PCCA: variants seen among roughly 807,000 people sequenced by gnomAD.
PCCA encodes the protein propionyl-CoA carboxylase subunit alpha.
A neutral mutation model predicts 101.3 loss-of-function variants in PCCA; 74 were observed. That is an observed-to-expected ratio of 0.73 (90% CI 0.61 to 0.89). The LOEUF (loss-of-function observed/expected upper bound fraction) is 0.89, where lower values mean the gene tolerates loss of function less well. Ranked by LOEUF, PCCA falls within the 40% of genes least tolerant of loss-of-function variation. The pLI, the probability that PCCA is intolerant of heterozygous loss-of-function variation, is 0.00. For synonymous variants in PCCA, 294 were observed against 313.6 expected (o/e 0.94, Z 0.66); for missense variants, 891 against 907.0 (o/e 0.98, Z 0.23).
At chr13:100,127,763 G>A (rs2050105480) in intron 4 of PCCA, among the ~76,000 whole-genome samples, 2 of 152,092 alleles carry the variant, frequency 1.3e-5, no homozygotes, top group South Asian at 4.2e-4. Context: ...GTGGTGGTGG[G>A]TGCGTGTAGT....
chr13:100,099,704 T>A (rs1436626840), intron 1 of PCCA, among the ~76,000 whole-genome samples: 1 of 152,028 alleles, frequency 6.6e-6, no homozygotes, highest in Non-Finnish European at 1.5e-5. Context: ...AAGGCATGCA[T>A]CCAGTTTGTC....
At chr13:100,135,618 GA>G (rs1366682046) in intron 4 of PCCA, among the ~76,000 whole-genome samples, 2 of 151,960 alleles carry the variant, frequency 1.3e-5, no homozygotes, top group Admixed American at 1.3e-4. Context: ...GAGACAGTTC[GA>G]TTTTTTTTTC....
intron 7 of PCCA, among the ~76,000 whole-genome samples, chr13:100,232,437 GT>G (rs1157120102): frequency 2.0e-5 from 3 of 151,280 alleles, no homozygotes; most frequent in African/African-American, 7.3e-5. Context: ...CAGGAGTGCA[GT>G]GGCGCCATCA....
chr13:100,345,489 G>GT (rs1476669128), intron 18 of PCCA, among the ~76,000 whole-genome samples: 1 of 152,202 alleles, frequency 6.6e-6, no homozygotes, highest in Non-Finnish European at 1.5e-5. Context: ...GGAAGCTGCG[G>GT]AAGAAAAGCT....
chr13:100,500,100 A>G (rs1202023592), intron 21 of PCCA, among the ~76,000 whole-genome samples: 1 of 152,226 alleles, frequency 6.6e-6, no homozygotes, highest in Non-Finnish European at 1.5e-5. Flanking sequence ...CCAGGAAAAA[A>G]GCTAAACAAT....
chr13:100,484,126 T>A (rs1389308354), intron 21 of PCCA, among the ~76,000 whole-genome samples: 1 of 152,204 alleles, frequency 6.6e-6, no homozygotes, highest in Non-Finnish European at 1.5e-5. Flanking sequence ...AGAACCTCAC[T>A]ACAAGAAAAC....
At chr13:100,301,664 A>G (rs1201987118) in intron 13 of PCCA, 61 bp downstream of exon 13, 13 of 1,560,106 alleles carry the variant, frequency 8.3e-6, no homozygotes, top group East Asian at 2.2e-5. Context: ...GAGACCTGGT[A>G]TAGCCAAACA....
intron 4 of PCCA, among the ~76,000 whole-genome samples, chr13:100,112,593 T>TC (rs977515597): frequency 1.4e-4 from 21 of 151,128 alleles, no homozygotes; most frequent in Non-Finnish European, 2.2e-4. Context: ...TTTTTTTTTT[T>TC]TGGGACAGAG....
At chr13:100,352,343 C>A (rs371519287) in intron 18 of PCCA, among the ~76,000 whole-genome samples, 112 of 150,436 alleles carry the variant, frequency 7.4e-4, no homozygotes, top group Non-Finnish European at 1.3e-3. Context: ...ACATTGTATT[C>A]GTAATATTAT....
intron 12 of PCCA, among the ~76,000 whole-genome samples, chr13:100,293,676 A>G (rs1260164332): frequency 6.6e-6 from 1 of 152,192 alleles, no homozygotes; most frequent in Non-Finnish European, 1.5e-5. Flanking sequence ...TGTATTTAAA[A>G]TGATAGAGGC....
chr13:100,416,512 CTGTGTGTG>C (rs143797850), intron 19 of PCCA, among the ~76,000 whole-genome samples: 3 of 145,404 alleles, frequency 2.1e-5, no homozygotes, highest in Admixed American at 1.4e-4. Flanking sequence ...TTTTAAATAT[CTGTGTGTG>C]TGTGTGTGTG....
At chr13:100,230,280 A>G (rs1469381217) in intron 7 of PCCA, among the ~76,000 whole-genome samples, 1 of 152,102 alleles carries the variant, frequency 6.6e-6, no homozygotes, top group Non-Finnish European at 1.5e-5. Context: ...GCGGTGGCTC[A>G]TGCCTGTAAT....
intron 18 of PCCA, 42 bp from the exon 19 acceptor site, chr13:100,368,430 A>C: frequency 9.5e-7 from 1 of 1,052,654 alleles, no homozygotes; most frequent in Non-Finnish European, 1.5e-6. Flanking sequence ...GAGAAATAAT[A>C]ATATAAAATT....
chr13:100,184,742 G>T (rs368901497), intron 6 of PCCA, among the ~76,000 whole-genome samples: 2 of 152,112 alleles, frequency 1.3e-5, no homozygotes, highest in Non-Finnish European at 2.9e-5. Context: ...GGAATTTCAT[G>T]TAATTTTAAC....
intron 19 of PCCA, among the ~76,000 whole-genome samples, chr13:100,402,736 G>T (rs924095352): frequency 5.3e-5 from 8 of 152,170 alleles, no homozygotes; most frequent in African/African-American, 1.9e-4. Context: ...GGTGGTATTG[G>T]TAGGGGCAGG....
At chr13:100,200,032 C>T (rs1038059601) in intron 6 of PCCA, among the ~76,000 whole-genome samples, 8 of 152,086 alleles carry the variant, frequency 5.3e-5, no homozygotes, top group Admixed American at 1.3e-4. Flanking sequence ...CTCTAGCTTC[C>T]TTACTATCTG....
At chr13:100,328,663 G>A (rs1024220526) in intron 16 of PCCA, among the ~76,000 whole-genome samples, 5 of 137,756 alleles carry the variant, frequency 3.6e-5, no homozygotes, top group Non-Finnish European at 8.0e-5. Context: ...TTTTGTCTAT[G>A]TTGTTAGGTG....
At chr13:100,341,937 T>C (rs2071374470) in intron 18 of PCCA, among the ~76,000 whole-genome samples, 1 of 106,590 alleles carries the variant, frequency 9.4e-6, no homozygotes. Context: ...ACTTTTAATG[T>C]TTTGGTAGAA....
chr13:100,252,497 C>A (rs1460440128), intron 8 of PCCA, among the ~76,000 whole-genome samples: 1 of 151,982 alleles, frequency 6.6e-6, no homozygotes, highest in Non-Finnish European at 1.5e-5. Flanking sequence ...GTGAGAAAAC[C>A]ACATAAGATT....
Sources: gnomAD v4.1 joint callset for allele counts (sites outside exome capture counted in the v4.1 genomes callset) on GRCh38, gnomAD v4.1.1 for gene constraint, MANE v1.5 for transcripts, NCBI Gene and HGNC (gene_info 2026-07-23, HGNC 2026-07-21) for gene names.